TPD52: variants seen among roughly 807,000 people sequenced by gnomAD.
The protein encoded by TPD52 is tumor protein D52, also known as prostate and colon associated protein.
A neutral mutation model predicts 31.3 loss-of-function variants in TPD52; 17 were observed. The observed-to-expected ratio is 0.54, with a 90% CI of 0.37 to 0.82. The LOEUF (loss-of-function observed/expected upper bound fraction) is 0.82, where lower values mean the gene tolerates loss of function less well. TPD52 is among the 40% of genes least tolerant of loss of function. TPD52 has a pLI of 0.00. For synonymous variants in TPD52, 83 were observed against 89.6 expected (o/e 0.93, Z 0.42); for missense variants, 212 against 240.1 (o/e 0.88, Z 0.77).
intron 1 of TPD52, among the ~76,000 whole-genome samples, chr8:80,115,746 T>C (rs1807819959): frequency 1.3e-5 from 2 of 152,302 alleles, no homozygotes; most frequent in African/African-American, 4.8e-5. Flanking sequence ...CAGAGCCTAT[T>C]TATATGGCAG....
chr8:80,136,654 G>A (rs1264662630), intron 1 of TPD52, among the ~76,000 whole-genome samples: 1 of 150,786 alleles, frequency 6.6e-6, no homozygotes, highest in Non-Finnish European at 1.5e-5. Context: ...CCACAACCCA[G>A]TAAAAGGTCC....
rs57266800 is a variant in TPD52 at position 80,105,729 on chromosome 8, C to CT, written c.20-41137dup. On this transcript the variant is annotated intron_variant, in intron 1 of 7. Transcript: ENST00000518937. Reference sequence around the variant, plus strand: ...TAGGATTACACCCATCCCAGGTCTGCTTTTTTTTTTTTTTTTTTTTGAGAT... The same window carrying CT: ...TAGGATTACACCCATCCCAGGTCTGCTTTTTTTTTTTTTTTTTTTTTGAGAT... Among the ~76,000 whole-genome samples the CT allele has an allele frequency of 7.2e-3, 810 of 112,728 alleles. 13 individuals are homozygous for CT. Among genetic ancestry groups the CT allele is most frequent in the African/African-American group, 0.024 (599 of 25,338 alleles). 74.0% of individuals were successfully genotyped at this position (112,728 alleles called of 152,430 possible). A position where few individuals can be genotyped will look rare whatever the true frequency, so the allele number is the denominator to read the frequency against.
chr8:80,138,102 C>T (rs926324310), intron 1 of TPD52, among the ~76,000 whole-genome samples: 6 of 152,124 alleles, frequency 3.9e-5, no homozygotes, highest in African/African-American at 1.4e-4. Context: ...CGCCACCACG[C>T]CCGGCTAATT....
chr8:80,138,186 G>A (rs1809570966), intron 1 of TPD52, among the ~76,000 whole-genome samples: 1 of 151,886 alleles, frequency 6.6e-6, no homozygotes, highest in African/African-American at 2.4e-5. Flanking sequence ...CAGGTGATCC[G>A]CTCGCCTCAG....
intron 1 of TPD52, among the ~76,000 whole-genome samples, chr8:80,130,535 C>A (rs891395906): frequency 6.6e-6 from 1 of 152,230 alleles, no homozygotes; most frequent in African/African-American, 2.4e-5. Flanking sequence ...TGCCCTCCAC[C>A]CAGAGCACTC....
At chr8:80,042,770 G>A (rs1318471352) in intron 6 of TPD52, 102 bp from the exon 7 acceptor site, 11 of 1,069,608 alleles carry the variant, frequency 1.0e-5, no homozygotes, top group South Asian at 2.9e-5. Flanking sequence ...ATTCTCAATC[G>A]GCAAAAGAAC....
intron 2 of TPD52, among the ~76,000 whole-genome samples, chr8:80,054,349 G>A (rs1811655869): frequency 6.6e-6 from 1 of 152,156 alleles, no homozygotes. Context: ...AATGGACAGA[G>A]TAGAACAAAA....
intron 7 of TPD52, among the ~76,000 whole-genome samples, chr8:80,040,310 C>A (rs1810260556): frequency 1.3e-5 from 2 of 150,656 alleles, no homozygotes; most frequent in South Asian, 4.2e-4. Context: ...ACCTCAGCCT[C>A]CCGAGTAGGT....
intron 7 of TPD52, chr8:80,042,409 G>A (rs1810476654): frequency 1.0e-6 from 1 of 985,310 alleles, no homozygotes; most frequent in Admixed American, 6.1e-5. Context: ...TTTCCTTTCA[G>A]CATGTGGCAT....
intron 1 of TPD52, among the ~76,000 whole-genome samples, chr8:80,152,458 G>C (rs1810639633): frequency 6.6e-6 from 1 of 152,100 alleles, no homozygotes; most frequent in Non-Finnish European, 1.5e-5. Flanking sequence ...AGTAACTGGT[G>C]CATCTAGCTC....
At chr8:80,129,095 T>A (rs1808838081) in intron 1 of TPD52, among the ~76,000 whole-genome samples, 1 of 152,186 alleles carries the variant, frequency 6.6e-6, no homozygotes, top group Non-Finnish European at 1.5e-5. Context: ...TAAGCAAGAT[T>A]CAAGCTTGAT....
At chr8:80,060,848 A>C (rs1380662436) in intron 2 of TPD52, among the ~76,000 whole-genome samples, 5 of 152,200 alleles carry the variant, frequency 3.3e-5, no homozygotes, top group Admixed American at 6.5e-5. Flanking sequence ...AAAAAATGAC[A>C]GCTAATATCA....
At chr8:80,116,492 C>G (rs1807872673) in intron 1 of TPD52, among the ~76,000 whole-genome samples, 1 of 150,194 alleles carries the variant, frequency 6.7e-6, no homozygotes, top group Admixed American at 6.7e-5. Context: ...CTCTAACAAG[C>G]AAAGATATTC....
chr8:80,081,695 T>G (rs569320347), intron 1 of TPD52, among the ~76,000 whole-genome samples: 2 of 150,066 alleles, frequency 1.3e-5, no homozygotes, highest in African/African-American at 4.9e-5. Flanking sequence ...TGCACCAAGA[T>G]GGTCTGTATT....
intron 1 of TPD52, among the ~76,000 whole-genome samples, chr8:80,098,863 G>C (rs566482540): frequency 6.6e-6 from 1 of 152,284 alleles, no homozygotes; most frequent in East Asian, 1.9e-4. Context: ...GCCACGGCCA[G>C]CTCAACCTTC....
intron 1 of TPD52, among the ~76,000 whole-genome samples, chr8:80,103,308 A>G (rs969373382): frequency 2.6e-5 from 4 of 152,228 alleles, no homozygotes; most frequent in Non-Finnish European, 2.9e-5. Context: ...AACTGCACCA[A>G]TCAGAAATCA....
chr8:80,040,479 T>C (rs1408617433), intron 7 of TPD52, among the ~76,000 whole-genome samples: 2 of 152,170 alleles, frequency 1.3e-5, no homozygotes, highest in African/African-American at 2.4e-5. Flanking sequence ...TGTAAGCCAC[T>C]GCGCCCAGCC....
intron 1 of TPD52, among the ~76,000 whole-genome samples, chr8:80,106,680 T>TC (rs1807141394): frequency 9.3e-6 from 1 of 108,036 alleles, no homozygotes; most frequent in African/African-American, 3.5e-5. Flanking sequence ...TTACTCGTTC[T>TC]ATTTTTTTTT....
chr8:80,159,115 G>A (rs1811186444), intron 1 of TPD52, among the ~76,000 whole-genome samples: 1 of 152,130 alleles, frequency 6.6e-6, no homozygotes, highest in African/African-American at 2.4e-5. Flanking sequence ...TTTTACAGAA[G>A]TATCTAATAT....
Sources: gnomAD v4.1 joint callset for allele counts (sites outside exome capture counted in the v4.1 genomes callset) on GRCh38, gnomAD v4.1.1 for gene constraint, MANE v1.5 for transcripts, NCBI Gene and HGNC (gene_info 2026-07-23, HGNC 2026-07-21) for gene names.